Variants in CUEDC1 observed in about 807,000 individuals in gnomAD.
CUEDC1 encodes CUE domain-containing protein 1.
Under a neutral mutation model 43.7 loss-of-function variants are expected in CUEDC1, and 30 were observed. That is an observed-to-expected ratio of 0.69 (90% confidence interval 0.51 to 0.93). The LOEUF is 0.93. CUEDC1 is among the 40% of genes least tolerant of loss of function. The pLI, the probability that CUEDC1 is intolerant of heterozygous loss-of-function variation, is 0.00. For missense variants in CUEDC1, 486 were observed against 549.0 expected (o/e 0.89, Z 1.15); for synonymous variants, 223 against 223.6 (o/e 1.00, Z 0.02).
chr17:57,912,651 G>A (rs910209130), intron 1 of CUEDC1, among the ~76,000 whole-genome samples: 14 of 152,100 alleles, frequency 9.2e-5, no homozygotes, highest in Admixed American at 2.6e-4. Context: ...TAAAGACACC[G>A]TTTGGAAGAA....
intron 3 of CUEDC1, among the ~76,000 whole-genome samples, chr17:57,877,669 C>A (rs2074145358): frequency 6.6e-6 from 1 of 151,592 alleles, no homozygotes; most frequent in Non-Finnish European, 1.5e-5. Flanking sequence ...GGCGAATCAC[C>A]TGAGATCAGG....
chr17:57,893,469 G>A (rs1221769721), intron 1 of CUEDC1, among the ~76,000 whole-genome samples: 3 of 152,178 alleles, frequency 2.0e-5, no homozygotes, highest in Admixed American at 6.6e-5. Flanking sequence ...TTCAAAAGCC[G>A]GGTGACCTTT....
At chr17:57,953,752 T>A (rs775496100) in intron 1 of CUEDC1, among the ~76,000 whole-genome samples, 1 of 152,202 alleles carries the variant, frequency 6.6e-6, no homozygotes, top group Non-Finnish European at 1.5e-5. Flanking sequence ...TCAACATCCC[T>A]GGGCCATCCT....
At chr17:57,908,740 G>A (rs1457209718) in intron 1 of CUEDC1, among the ~76,000 whole-genome samples, 1 of 152,128 alleles carries the variant, frequency 6.6e-6, no homozygotes, top group Non-Finnish European at 1.5e-5. Context: ...GCTTACGCCT[G>A]TAATCCCAGG....
rs1187702455 is a variant in CUEDC1, at chr17:57,861,877, C to A, written c.*1412G>T. ...AGGGGGCGACCGCTCCTCGGCAGGG[C>A]CCCCCGAGCCAGCGTCCCGGCCCCG... On this transcript the variant is annotated 3_prime_UTR_variant, in exon 11 of 11. Coordinates refer to ENST00000577830, the MANE Select transcript of CUEDC1 (RefSeq NM_001271875.2). 1 of 151,760 alleles carries A rather than the reference C, an allele frequency of 6.6e-6. No individual in the cohort carries two copies. Among genetic ancestry groups the A allele is most frequent in the Admixed American group, 6.5e-5 (1 of 15,282 alleles). 9.4% of individuals were successfully genotyped at this position (151,760 alleles called of 1,614,324 possible).
At chr17:57,869,043 G>T (rs1199594052) in intron 7 of CUEDC1, 79 bp downstream of exon 7, 1 of 1,440,126 alleles carries the variant, frequency 6.9e-7, no homozygotes, top group Non-Finnish European at 9.7e-7. Context: ...ATGTGCTGAG[G>T]GGCTCCCTCA....
At chr17:57,948,348 G>C (rs1031108821) in intron 1 of CUEDC1, among the ~76,000 whole-genome samples, 1 of 152,014 alleles carries the variant, frequency 6.6e-6, no homozygotes, top group Non-Finnish European at 1.5e-5. Flanking sequence ...CTCCATCCCC[G>C]AGAGCTGTAG....
intron 6 of CUEDC1, among the ~76,000 whole-genome samples, chr17:57,870,736 G>C (rs1430664602): frequency 6.6e-6 from 1 of 151,740 alleles, no homozygotes; most frequent in African/African-American, 2.4e-5. Context: ...GAGTGCAGTG[G>C]CATAATCACA....
Position 57,868,252 on chromosome 17 carries a change from A to C in CUEDC1, c.941-9T>G. On this transcript the variant is annotated splice_polypyrimidine_tract_variant and intron_variant, in intron 7 of 10. Coordinates refer to ENST00000577830, the MANE Select transcript of CUEDC1 (RefSeq NM_001271875.2). ...CAGTTTCCTCCGGGTGGCTGGGGGC[A>C]GAGAGACCTGTGAGTCATTCTCTCA... 6.2e-7 allele frequency: 1 copy of C among 1,613,106 alleles called. No individual in the cohort carries two copies. Among genetic ancestry groups the C allele is most frequent in the Non-Finnish European group, 8.5e-7 (1 of 1,179,094 alleles).
intron 1 of CUEDC1, chr17:57,912,295 T>C (rs1236398249): frequency 6.6e-6 from 1 of 152,254 alleles, no homozygotes; most frequent in African/African-American, 2.4e-5. Context: ...CACCCTGGAC[T>C]CGGGGACAGG....
intron 10 of CUEDC1, among the ~76,000 whole-genome samples, chr17:57,864,236 G>A (rs2073923631): frequency 6.6e-6 from 1 of 152,030 alleles, no homozygotes; most frequent in African/African-American, 2.4e-5. Context: ...GCTATCCAAG[G>A]CTGAAAAGAA....
At chr17:57,937,437 C>T (rs1346972858) in intron 1 of CUEDC1, among the ~76,000 whole-genome samples, 2 of 152,032 alleles carry the variant, frequency 1.3e-5, no homozygotes, top group Middle Eastern at 3.4e-3. Flanking sequence ...ATGGTGAAAT[C>T]TCATCTCTAC....
intron 1 of CUEDC1, among the ~76,000 whole-genome samples, chr17:57,890,840 G>A (rs2074347486): frequency 6.6e-6 from 1 of 152,232 alleles, no homozygotes; most frequent in Non-Finnish European, 1.5e-5. Context: ...TATGAGAGCT[G>A]GGGAGCCAGA....
intron 10 of CUEDC1, among the ~76,000 whole-genome samples, chr17:57,865,566 G>A (rs1280721102): frequency 6.6e-6 from 1 of 152,200 alleles, no homozygotes; most frequent in Non-Finnish European, 1.5e-5. Context: ...CATGGTAAAC[G>A]GGGGCTGGAA....
rs571623505 is a variant in CUEDC1 at position 57,886,560 on chromosome 17, A to G, written c.-315-681T>C. Among the ~76,000 whole-genome samples, 4 of 152,100 alleles carry G rather than the reference A, an allele frequency of 2.6e-5. No individual in the cohort carries two copies. The South Asian group carries it at 8.3e-4, about 32-fold the overall frequency. On this transcript the variant is annotated intron_variant, in intron 1 of 10. Transcript: ENST00000577830. ...GGCTAATAGGGGAGGCCCAGTTCCC[A>G]CTCTTGGAAAACTCATGTCAGGCCC...
Position 57,873,677 on chromosome 17 carries a change from G to T in CUEDC1, c.505C>A (p.Arg169Ser). 1 of 1,602,720 alleles carries T rather than the reference G, an allele frequency of 6.2e-7. No homozygotes were observed. Among genetic ancestry groups the T allele is most frequent in the Non-Finnish European group, 8.5e-7 (1 of 1,174,446 alleles). Residue 169 changes from arginine (R) to serine (S), a missense_variant, in exon 4 of 11, where the codon CGC becomes AGC. Arg to Ser is a moderately radical substitution (Grantham distance 110). Coordinates refer to ENST00000577830, the MANE Select transcript of CUEDC1 (RefSeq NM_001271875.2). ...AGTGGTGGGTTCCAGTTCCGATAGC[G>T]TCTCTGGCTTGTAGGGGCTCCAGAG... is the stretch of plus-strand genomic sequence containing the variant. Reference protein sequence around the residue: ...LGSGAPTSQRRYRNWNPPLLG... With the variant: ...LGSGAPTSQRSYRNWNPPLLG...
intron 9 of CUEDC1, 73 bp from the exon 10 acceptor site, chr17:57,866,617 C>A: frequency 6.7e-7 from 1 of 1,491,906 alleles, no homozygotes; most frequent in Admixed American, 1.7e-5. Flanking sequence ...CTAGACTGGG[C>A]AAGAGAGCTG....
At chr17:57,894,606 G>A (rs1390673615) in intron 1 of CUEDC1, among the ~76,000 whole-genome samples, 1 of 152,104 alleles carries the variant, frequency 6.6e-6, no homozygotes, top group Non-Finnish European at 1.5e-5. Flanking sequence ...GGAGGCAGAG[G>A]TTGCAGTGAG....
intron 5 of CUEDC1, 37 bp from the exon 6 acceptor site, chr17:57,871,406 G>C (rs964354846): frequency 7.7e-6 from 12 of 1,563,396 alleles, no homozygotes; most frequent in Non-Finnish European, 1.1e-5. Context: ...AGGGAGGTTA[G>C]CTCCTGGGCT....
Sources: allele counts gnomAD v4.1 joint callset (sites outside exome capture counted in the v4.1 genomes callset), GRCh38; gene constraint gnomAD v4.1.1; transcripts MANE v1.5; gene names NCBI Gene and HGNC (gene_info 2026-07-23, HGNC 2026-07-21).